CARS2: variants seen among roughly 807,000 people sequenced by gnomAD.
CARS2 encodes the protein probable cysteine--tRNA ligase, mitochondrial.
Under a neutral mutation model 68.8 loss-of-function variants are expected in CARS2, and 52 were observed. The observed-to-expected ratio is 0.76, with a 90% CI of 0.61 to 0.95. The LOEUF is 0.95. CARS2 is among the 40% of genes least tolerant of loss of function. The pLI, the probability that CARS2 is intolerant of heterozygous loss-of-function variation, is 0.00. For missense variants in CARS2, 780 were observed against 754.2 expected, an observed-to-expected ratio of 1.03 and a Z score of -0.40; for synonymous variants, 314 against 303.6, an observed-to-expected ratio of 1.03 and a Z score of -0.36.
chr13:110,646,135 C>A (rs895092708), intron 11 of CARS2, 45 bp from the exon 12 acceptor site: 18 of 1,583,368 alleles, frequency 1.1e-5, no homozygotes, highest in Non-Finnish European at 1.5e-5. Flanking sequence ...GAGCTCCACT[C>A]TCCCCAGGCG....
At chr13:110,690,381 C>G (rs2063423029) in intron 3 of CARS2, among the ~76,000 whole-genome samples, 1 of 152,138 alleles carries the variant, frequency 6.6e-6, no homozygotes. Flanking sequence ...CCAGTTTTCC[C>G]ACAAGCATGA....
intron 12 of CARS2, 38 bp from the exon 13 acceptor site, chr13:110,644,521 G>A (rs1887830621): frequency 1.2e-6 from 2 of 1,611,672 alleles, no homozygotes; most frequent in African/African-American, 2.7e-5. Flanking sequence ...CTTAAAAGCA[G>A]TCTTGATGGC....
chr13:110,646,034 G>C lies in CARS2; in HGVS notation c.1250C>G (p.Pro417Arg), dbSNP rs766539038. The C allele has an allele frequency of 2.5e-6, 4 of 1,613,870 alleles. No homozygotes were observed. The Admixed American group carries it at 6.7e-5, about 27-fold the overall frequency. Residue 417 changes from proline (P) to arginine (R), a missense_variant, in exon 12 of 15, where the codon CCC becomes CGC. Physicochemically the swap from Pro to Arg is moderately radical, Grantham distance 103. Coordinates refer to ENST00000257347, the MANE Select transcript of CARS2 (RefSeq NM_024537.4). ...KAALADDFDT[P>R]RVVDAILGLA... ...GCCCAGGATGGCATCAACCACCCTG[G>C]GTGTGTCAAAATCATCTGCCAAGGC...
At chr13:110,674,422 A>T (rs1206613216) in intron 7 of CARS2, among the ~76,000 whole-genome samples, 1 of 151,416 alleles carries the variant, frequency 6.6e-6, no homozygotes, top group Non-Finnish European at 1.5e-5. Context: ...ACACATCTAC[A>T]ACCATCTGAT....
At chr13:110,702,241 G>GATT (rs1288584637) in intron 2 of CARS2, among the ~76,000 whole-genome samples, 1 of 152,132 alleles carries the variant, frequency 6.6e-6, no homozygotes, top group Non-Finnish European at 1.5e-5. Flanking sequence ...TGGTGTGGGG[G>GATT]AATCCTAGCC....
intron 14 of CARS2, 81 bp from the exon 15 acceptor site, chr13:110,641,689 A>C: frequency 8.7e-7 from 1 of 1,150,682 alleles, no homozygotes; most frequent in Middle Eastern, 2.7e-4. Flanking sequence ...AATCAGGTTC[A>C]GGGTGCCTGT....
intron 5 of CARS2, among the ~76,000 whole-genome samples, chr13:110,684,831 T>C (rs1408198508): frequency 6.6e-6 from 1 of 152,106 alleles, no homozygotes; most frequent in African/African-American, 2.4e-5. Flanking sequence ...ATGTTATCAA[T>C]TTGCTGAAGA....
intron 7 of CARS2, among the ~76,000 whole-genome samples, chr13:110,673,366 G>A (rs1190435695): frequency 6.6e-6 from 1 of 150,994 alleles, no homozygotes; most frequent in South Asian, 2.1e-4. Flanking sequence ...TATCCACCAC[G>A]ATCAAGTGGG....
chr13:110,679,921 C>T (rs1199736395), intron 6 of CARS2, among the ~76,000 whole-genome samples: 1 of 152,166 alleles, frequency 6.6e-6, no homozygotes, highest in African/African-American at 2.4e-5. Context: ...GCACTGAAGC[C>T]CACGAGCTCT....
chr13:110,651,301 C>T (rs2062206651), intron 9 of CARS2: 1 of 544,352 alleles, frequency 1.8e-6, no homozygotes, highest in Admixed American at 3.6e-5. Context: ...CGTTCGATCT[C>T]AGTATTTGTG....
In CARS2 at chr13:110,677,075, G is replaced by A. The variant is rs537075451; in HGVS notation, c.684C>T (p.Asp228=). 28 of 1,610,288 alleles carry A rather than the reference G, an allele frequency of 1.7e-5. No individual in the cohort carries two copies. The highest frequency in any genetic ancestry group is 1.7e-4 in the Admixed American group (10 of 59,828). The change falls in exon 7 of 15, where the codon GAC becomes GAT. Residue 228 remains aspartate, a synonymous_variant. Transcript: ENST00000257347. ...GTTTGGCCGCCTTCCACAGGGCGAAGTCACTGGCATGACGCTTGTCAGAGT... is the reference window on the plus strand; with the variant it reads ...GTTTGGCCGCCTTCCACAGGGCGAAATCACTGGCATGACGCTTGTCAGAGT... ...PADSDKRHAS[D]FALWKAAKPQ...
At chr13:110,658,448 T>C (rs1010995223) in intron 9 of CARS2, among the ~76,000 whole-genome samples, 16 of 152,280 alleles carry the variant, frequency 1.1e-4, no homozygotes, top group African/African-American at 3.1e-4. Context: ...ATCTGTTGCA[T>C]AACAATGTGA....
At position 110,679,592 on chromosome 13, in the gene CARS2, AAAGAAAGAGAGAGAGAGAG is replaced by A. The variant is rs1364640170; in HGVS notation, c.656-2508_656-2490del. ...AAGAGAGAGAAAGAAAGAAAGAAAG[AAAGAAAGAGAGAGAGAGAG>A]AGAGAGAGAGAGAGGGAGGGAGGGA... On this transcript the variant is annotated intron_variant, in intron 6 of 14. Transcript: ENST00000257347. Among the ~76,000 whole-genome samples the A allele has an allele frequency of 3.7e-4, 4 of 10,936 alleles. No homozygotes were observed. In the Admixed American group the frequency reaches 4.5e-3, roughly 12 times the overall value. The allele number at this position is 10,936 out of a possible 152,430, so 7.2% of individuals were successfully genotyped here.
In CARS2 at chr13:110,641,462, C is replaced by G; in HGVS notation, c.*75G>C. 2.4e-6 allele frequency: 3 copies of G among 1,233,954 alleles called. No individual in the cohort carries two copies. Among genetic ancestry groups the G allele is most frequent in the Non-Finnish European group, 3.6e-6 (3 of 833,716 alleles). 76.4% of individuals were successfully genotyped at this position (1,233,954 alleles called of 1,614,324 possible). A position where few individuals can be genotyped will look rare whatever the true frequency, so the allele number is the denominator to read the frequency against. On this transcript the variant is annotated 3_prime_UTR_variant, in exon 15 of 15. Transcript: ENST00000257347. Reference sequence around the variant, plus strand: ...CTGACCTAGCAGCCCCGACAGGAAGCTTTAACATAAAGCCTTGACCCTGAG... The same window carrying G: ...CTGACCTAGCAGCCCCGACAGGAAGGTTTAACATAAAGCCTTGACCCTGAG...
chr13:110,683,133 G>A lies in CARS2; in HGVS notation c.573C>T (p.Gly191=), dbSNP rs1223141816. 5 of 1,578,062 alleles carry A rather than the reference G, an allele frequency of 3.2e-6. No individual in the cohort carries two copies. The African/African-American group carries it at 6.9e-5, about 22-fold the overall frequency. The stretch of plus-strand genomic sequence containing the variant: ...TAGACTTCAGATCGAAGTAGACATT[G>A]CCTGTTTATAAAGACAATTATGAAT... ...ARGNAYSTAK[G]NVYFDLKSRG... The change falls in exon 6 of 15, where the codon GGC becomes GGT. Residue 191 remains glycine, a splice_region_variant and synonymous_variant. Transcript: ENST00000257347.
chr13:110,708,462 T>G (rs2064001429), upstream of CARS2, among the ~76,000 whole-genome samples: 1 of 152,266 alleles, frequency 6.6e-6, no homozygotes, highest in African/African-American at 2.4e-5. Flanking sequence ...TGCGGTATAT[T>G]TGAATTGTTC....
At chr13:110,650,233 G>C (rs886871482) in intron 10 of CARS2, 1 of 152,188 alleles carries the variant, frequency 6.6e-6, no homozygotes, top group Admixed American at 6.5e-5. Context: ...GAGTAGCTGG[G>C]ATTACAGGCA....
chr13:110,697,852 C>T lies in CARS2; in HGVS notation c.393+3586G>A, dbSNP rs1010824940. 1.1e-4 allele frequency: 45 copies of T among 427,880 alleles called. 1 individual carries two copies. The Admixed American group carries it at 1.1e-3, about 10-fold the overall frequency. The allele number at this position is 427,880 out of a possible 1,614,324, so 26.5% of individuals were successfully genotyped here. A position where few individuals can be genotyped will look rare whatever the true frequency, so the allele number is the denominator to read the frequency against. On this transcript the variant is annotated intron_variant, in intron 3 of 14. Coordinates refer to ENST00000257347, the MANE Select transcript of CARS2 (RefSeq NM_024537.4). ...GAAAAGGCTAGAACTGCTAAACAGC[C>T]CCATGCGGTGGGAGACTACCCAGTT... is the stretch of plus-strand genomic sequence containing the variant.
intron 9 of CARS2, among the ~76,000 whole-genome samples, chr13:110,661,122 C>T (rs917912153): frequency 6.6e-6 from 1 of 152,192 alleles, no homozygotes; most frequent in African/African-American, 2.4e-5. Context: ...CTGGTTTCAA[C>T]TTAAAGTCAC....
Sources: gnomAD v4.1 joint callset for allele counts (sites outside exome capture counted in the v4.1 genomes callset) on GRCh38, gnomAD v4.1.1 for gene constraint, MANE v1.5 for transcripts, NCBI Gene and HGNC (gene_info 2026-07-23, HGNC 2026-07-21) for gene names.